The following PAX3 variants were observed in gnomAD, a reference collection of about 807,000 sequenced individuals.
PAX3 encodes the protein paired box 3.
In PAX3, 14 loss-of-function variants were observed where a neutral mutation model predicts 51.6. The observed-to-expected ratio is 0.27, with a 90% confidence interval of 0.18 to 0.42. PAX3 has a LOEUF of 0.42. Ranked by LOEUF, PAX3 falls within the 10% of genes least tolerant of loss-of-function variation. The pLI, the probability that PAX3 is intolerant of heterozygous loss-of-function variation, is 1.00. For synonymous variants in PAX3, 280 were observed against 253.4 expected, an observed-to-expected ratio of 1.11 and a Z score of -1.00; for missense variants, 540 against 642.8, an observed-to-expected ratio of 0.84 and a Z score of 1.73.
chr2:222,284,646 G>T (rs1293343299), intron 4 of PAX3, among the ~76,000 whole-genome samples: 1 of 150,768 alleles, frequency 6.6e-6, no homozygotes, highest in African/African-American at 2.4e-5. Flanking sequence ...TGTGTGTTTG[G>T]TCTTCATTGT....
chr2:222,298,437 G>A, intron 1 of PAX3, 94 bp downstream of exon 1: 1 of 1,047,588 alleles, frequency 9.5e-7, no homozygotes, highest in Non-Finnish European at 1.4e-6. Flanking sequence ...GGGCTTCCTG[G>A]AAGCACCAAA....
chr2:222,203,012 C>CATATATATATATATAT (rs71053057), intron 7 of PAX3, among the ~76,000 whole-genome samples: 11 of 41,184 alleles, frequency 2.7e-4, no homozygotes, highest in Admixed American at 4.1e-4. Context: ...ACAACCATTT[C>CATATATATATATATAT]ATATATATAT....
intron 4 of PAX3, among the ~76,000 whole-genome samples, chr2:222,260,780 G>A (rs1308212787): frequency 2.0e-5 from 3 of 151,522 alleles, no homozygotes; most frequent in Admixed American, 6.6e-5. Context: ...TAGTAGAGAC[G>A]GGGTTTCGCC....
At chr2:222,294,452 A>T in intron 3 of PAX3, 151 bp from the exon 4 acceptor site, 3 of 781,290 alleles carry the variant, frequency 3.8e-6, no homozygotes, top group Non-Finnish European at 6.5e-6. Flanking sequence ...GCATCTCTGG[A>T]CATCCTCATC....
intron 4 of PAX3, among the ~76,000 whole-genome samples, chr2:222,279,646 A>G (rs2106172254): frequency 6.6e-6 from 1 of 152,306 alleles, no homozygotes; most frequent in South Asian, 2.1e-4. Flanking sequence ...TTTTCCAAGC[A>G]CCAGAAATTT....
At chr2:222,268,922 C>T (rs1694152761) in intron 4 of PAX3, among the ~76,000 whole-genome samples, 2 of 152,204 alleles carry the variant, frequency 1.3e-5, no homozygotes. Flanking sequence ...TCCACCCCCT[C>T]CTACTCCTTT....
rs1574762637 is a variant in PAX3, at chr2:222,293,650, A to G, written c.586+517T>C. On this transcript the variant is annotated intron_variant, in intron 4 of 8. Transcript: ENST00000392070. ...ATCAAACCAGTCAACACACAGACAT[A>G]TTTATAAGGCAGCCAATGTGGGGGC... 6.8e-6 allele frequency: 11 copies of G among 1,614,060 alleles called. No homozygotes were observed. In the East Asian group the frequency reaches 2.2e-4, roughly 33 times the overall value.
Position 222,200,355 on chromosome 2 carries a change from A to T in PAX3, c.*1053T>A, listed in dbSNP as rs1691245758. 4.5e-6 allele frequency: 1 copy of T among 224,446 alleles called. No individual in the cohort carries two copies. Among genetic ancestry groups the T allele is most frequent in the Non-Finnish European group, 8.9e-6 (1 of 112,272 alleles). 13.9% of individuals were successfully genotyped at this position (224,446 alleles called of 1,614,324 possible). ...CCCTGCCTTTCATAGAAAAGAGAAG[A>T]ATGTAAACGTAATCAGTTTAAAAGC... On this transcript the variant is annotated 3_prime_UTR_variant, in exon 9 of 9. Transcript: ENST00000392070.
chr2:222,253,015 A>G (rs1170886136), intron 4 of PAX3, among the ~76,000 whole-genome samples: 3 of 152,104 alleles, frequency 2.0e-5, no homozygotes, highest in South Asian at 2.1e-4. Flanking sequence ...TCACTCCCCA[A>G]TCCTATGCCC....
intron 4 of PAX3, among the ~76,000 whole-genome samples, chr2:222,234,391 T>A (rs1692721516): frequency 6.6e-6 from 1 of 152,182 alleles, no homozygotes; most frequent in Non-Finnish European, 1.5e-5. Flanking sequence ...AAAGGACAAT[T>A]AACATGCTAA....
chr2:222,280,442 G>A (rs993997932), intron 4 of PAX3, among the ~76,000 whole-genome samples: 9 of 151,134 alleles, frequency 6.0e-5, no homozygotes, highest in South Asian at 2.1e-4. Flanking sequence ...AGGAAGGAAG[G>A]AAGAAAGAAA....
chr2:222,276,228 C>T (rs1255879535), intron 4 of PAX3, among the ~76,000 whole-genome samples: 1 of 152,224 alleles, frequency 6.6e-6, no homozygotes, highest in Non-Finnish European at 1.5e-5. Context: ...GAGGCCTTTC[C>T]AGCCTCTTCT....
At position 222,202,041 on chromosome 2, in the gene PAX3, A is replaced by G; in HGVS notation, c.1323T>C (p.Ser441=). 2 of 1,614,098 alleles carry G rather than the reference A, an allele frequency of 1.2e-6. No individual in the cohort carries two copies. The highest frequency in any genetic ancestry group is 1.7e-6 in the Non-Finnish European group (2 of 1,180,026). ...QRLDHMKSLD[S]LPTSQSYCPP... is the part of the protein sequence containing the mutation. ...GACAGTAGGACTGAGATGTTGGCAG[A>G]CTGTCCAAGCTCTTCATATGGTCTA... Residue 441 remains serine, a synonymous_variant, in exon 8 of 9, where the codon AGT becomes AGC. Coordinates refer to ENST00000392070, the MANE Select transcript of PAX3 (RefSeq NM_181458.4).
intron 4 of PAX3, among the ~76,000 whole-genome samples, chr2:222,269,282 A>G (rs1415487621): frequency 6.6e-6 from 1 of 152,164 alleles, no homozygotes; most frequent in African/African-American, 2.4e-5. Flanking sequence ...TTGAATGCGC[A>G]CAGTCCATCA....
intron 4 of PAX3, among the ~76,000 whole-genome samples, chr2:222,236,850 CTCT>C (rs1692815950): frequency 6.6e-6 from 1 of 152,138 alleles, no homozygotes; most frequent in Non-Finnish European, 1.5e-5. Context: ...ATTAGAGATA[CTCT>C]TCCCAAATTT....
chr2:222,287,673 G>T (rs1694879797), intron 4 of PAX3: 1 of 152,198 alleles, frequency 6.6e-6, no homozygotes, highest in Non-Finnish European at 1.5e-5. Context: ...GTAACTTCTA[G>T]CTTAATCTAT....
At chr2:222,262,799 G>A (rs553982386) in intron 4 of PAX3, 1 of 152,030 alleles carries the variant, frequency 6.6e-6, no homozygotes, top group Non-Finnish European at 1.5e-5. Context: ...ATATGGAACA[G>A]AACAGACAAT....
At chr2:222,265,166 C>G (rs1693998575) in intron 4 of PAX3, 1 of 152,158 alleles carries the variant, frequency 6.6e-6, no homozygotes, top group East Asian at 1.9e-4. Flanking sequence ...GCTATTTTCT[C>G]CAGTATCTAG....
In PAX3 at chr2:222,202,178, G is replaced by C; in HGVS notation, c.1186C>G (p.Leu396Val). ...NGLSPQVMGL[L>V]TNHGGVPHQP... ...TGAGGTACCCCACCGTGGTTGGTCAGGAGTCCCATTACCTAAAAAAACAGC... is the reference window on the plus strand; with the variant it reads ...TGAGGTACCCCACCGTGGTTGGTCACGAGTCCCATTACCTAAAAAAACAGC... The change falls in exon 8 of 9, where the codon CTG becomes GTG. Residue 396 changes from leucine (L) to valine (V), a missense_variant. Transcript: ENST00000392070. 1.9e-6 allele frequency: 3 copies of C among 1,596,680 alleles called. No individual in the cohort carries two copies. The highest frequency in any genetic ancestry group is 2.6e-6 in the Non-Finnish European group (3 of 1,170,636).
Sources: gnomAD v4.1 joint callset for allele counts (sites outside exome capture counted in the v4.1 genomes callset) on GRCh38, gnomAD v4.1.1 for gene constraint, MANE v1.5 for transcripts, NCBI Gene and HGNC (gene_info 2026-07-23, HGNC 2026-07-21) for gene names.